The following HVCN1 variants were observed in gnomAD, a reference collection of about 807,000 sequenced individuals.
The protein encoded by HVCN1 is voltage-gated hydrogen channel 1.
A neutral mutation model predicts 29.2 loss-of-function variants in HVCN1; 14 were observed. That is an observed-to-expected ratio of 0.48 (90% confidence interval 0.32 to 0.75). The LOEUF is 0.75. HVCN1 is among the 30% of genes least tolerant of loss of function. HVCN1 has a pLI of 0.04. For missense variants in HVCN1, 263 were observed against 341.8 expected, an observed-to-expected ratio of 0.77 and a Z score of 1.82; for synonymous variants, 131 against 133.2, an observed-to-expected ratio of 0.98 and a Z score of 0.11.
chr12:110,651,121 T>A, intron 6 of HVCN1, 96 bp downstream of exon 6: 2 of 849,272 alleles, frequency 2.4e-6, no homozygotes, highest in Admixed American at 4.4e-5. Flanking sequence ...GGAGCCACTG[T>A]GAGCTCAGGC....
chr12:110,651,410 A>G lies in HVCN1; in HGVS notation c.450T>C (p.Phe150=), dbSNP rs745440611. 4 of 1,613,602 alleles carry G rather than the reference A, an allele frequency of 2.5e-6. No individual in the cohort carries two copies. The highest frequency in any genetic ancestry group is 2.7e-5 in the African/African-American group (2 of 74,912). The part of the protein sequence containing the change: ...HYMSITILVF[F]MMEIIFKLFV... ...ATAATTTAAAGATGATCTCCATCAT[A>G]AAAAAGACCAAGATGGTGATGCTCA... Residue 150 remains phenylalanine, a synonymous_variant, in exon 6 of 8, where the codon TTT becomes TTC. Coordinates refer to ENST00000242607, the MANE Select transcript of HVCN1 (RefSeq NM_032369.4).
chr12:110,664,720 A>G (rs934040489), intron 3 of HVCN1, among the ~76,000 whole-genome samples: 4 of 152,194 alleles, frequency 2.6e-5, no homozygotes, highest in Non-Finnish European at 4.4e-5. Context: ...CCCCTTGTGA[A>G]TCTGCTTGGC....
Position 110,648,959 on chromosome 12 carries a change from C to T in HVCN1, c.*451G>A, listed in dbSNP as rs550545659. ...GGTACCCCTTTTGGGGAAACTGAGA[C>T]GAAGCTATTTAGAACAGCTTGAAAA... On this transcript the variant is annotated 3_prime_UTR_variant, in exon 8 of 8. Transcript: ENST00000242607. 141 of 430,060 alleles carry T rather than the reference C, an allele frequency of 3.3e-4. No homozygotes were observed. Among genetic ancestry groups the T allele is most frequent in the Admixed American group, 5.5e-4 (18 of 32,722 alleles). The allele number at this position is 430,060 out of a possible 1,614,324, so 26.6% of individuals were successfully genotyped here.
At chr12:110,652,874 G>T (rs139582861) in intron 5 of HVCN1, among the ~76,000 whole-genome samples, 1 of 152,168 alleles carries the variant, frequency 6.6e-6, no homozygotes, top group Non-Finnish European at 1.5e-5. Context: ...CCACTGCAAC[G>T]GGAAAAATGC....
intron 4 of HVCN1, among the ~76,000 whole-genome samples, chr12:110,659,868 G>A (rs1463825869): frequency 1.3e-5 from 2 of 152,096 alleles, no homozygotes; most frequent in African/African-American, 2.4e-5. Flanking sequence ...AGGAGTTTGA[G>A]ACCAGCCTGG....
intron 2 of HVCN1, among the ~76,000 whole-genome samples, chr12:110,695,371 T>TGC (rs149207314): frequency 6.8e-6 from 1 of 147,966 alleles, no homozygotes; most frequent in African/African-American, 2.5e-5. Flanking sequence ...TTATTTTGTG[T>TGC]ACACACACAC....
rs183992240 is a variant in HVCN1 at position 110,672,975 on chromosome 12, A to G, written c.21+10250T>C. On this transcript the variant is annotated intron_variant, in intron 3 of 7. Coordinates refer to ENST00000242607, the MANE Select transcript of HVCN1 (RefSeq NM_032369.4). ...GTGAAAACTAATACAGTAAATTGGT[A>G]CCAGTAGAGTGGGACATTGCTGAAA... Among the ~76,000 whole-genome samples the G allele has an allele frequency of 4.0e-4, 61 of 152,338 alleles. No individual in the cohort carries two copies. In the East Asian group the frequency reaches 0.011, roughly 27 times the overall value.
intron 3 of HVCN1, among the ~76,000 whole-genome samples, chr12:110,663,634 T>C (rs199898242): frequency 6.6e-6 from 1 of 150,420 alleles, no homozygotes; most frequent in African/African-American, 2.4e-5. Flanking sequence ...GAAAAAAAAT[T>C]TATCTACATG....
intron 3 of HVCN1, among the ~76,000 whole-genome samples, chr12:110,666,528 A>G (rs1426928619): frequency 6.6e-6 from 1 of 152,204 alleles, no homozygotes; most frequent in East Asian, 1.9e-4. Context: ...GAAAGGAAAA[A>G]TAAACAGAGC....
At chr12:110,667,716 G>A (rs890427501) in intron 3 of HVCN1, among the ~76,000 whole-genome samples, 2 of 152,186 alleles carry the variant, frequency 1.3e-5, no homozygotes, top group African/African-American at 4.8e-5. Context: ...ACAGGCATGA[G>A]CCCATGCCTG....
intron 2 of HVCN1, among the ~76,000 whole-genome samples, chr12:110,697,094 G>C (rs2069505479): frequency 6.6e-6 from 1 of 151,968 alleles, no homozygotes; most frequent in African/African-American, 2.4e-5. Context: ...CCTCCATCAA[G>C]CAGAGAAGCC....
upstream of HVCN1, among the ~76,000 whole-genome samples, chr12:110,691,717 G>A (rs965275002): frequency 6.6e-6 from 1 of 152,208 alleles, no homozygotes; most frequent in African/African-American, 2.4e-5. Context: ...GACCTCAACA[G>A]ACCCTGCTAA....
Position 110,661,495 on chromosome 12 carries a change from C to A in HVCN1, c.22-47G>T. 1 of 1,587,898 alleles carries A rather than the reference C, an allele frequency of 6.3e-7. No individual in the cohort carries two copies. The highest frequency in any genetic ancestry group is 1.1e-5 in the South Asian group (1 of 87,206). On this transcript the variant is annotated intron_variant, in intron 3 of 7. Coordinates refer to ENST00000242607, the MANE Select transcript of HVCN1 (RefSeq NM_032369.4). The surrounding 1 kb of genome is among the most constrained non-coding windows in gnomAD (Gnocchi z 6.2). ...CAAGAGCTTCAGGCAGTTGGCCACTCAGAGCCCACATGGCCCAGGCCGGGC... is the reference window on the plus strand; with the variant it reads ...CAAGAGCTTCAGGCAGTTGGCCACTAAGAGCCCACATGGCCCAGGCCGGGC...
chr12:110,663,587 CAAAAAAAAAAAAAAAA>C (rs1182792368), intron 3 of HVCN1, among the ~76,000 whole-genome samples: 1 of 25,808 alleles, frequency 3.9e-5, no homozygotes, highest in African/African-American at 1.2e-4. Context: ...GACGCTGTCT[CAAAAAAAAAAAAAAAA>C]AAAAAAAAAA....
At position 110,661,741 on chromosome 12, in the gene HVCN1, G is replaced by A. The variant is rs1484947200; in HGVS notation, c.22-293C>T. 6.6e-6 allele frequency among the ~76,000 whole-genome samples: 1 copy of A among 152,130 alleles called. No individual in the cohort carries two copies. The highest frequency in any genetic ancestry group is 1.5e-5 in the Non-Finnish European group (1 of 68,022). On this transcript the variant is annotated intron_variant, in intron 3 of 7. Transcript: ENST00000242607. This position sits in a 1 kb window ranked among gnomAD's most constrained non-coding sequence, Gnocchi z 6.2. The stretch of plus-strand genomic sequence containing the variant: ...AGCCCGGTCCCAAAACACCCGCCAC[G>A]GGCCCATGTGTGAATACCGGAAGGG...
At chr12:110,668,165 G>A (rs1031419887) in intron 3 of HVCN1, among the ~76,000 whole-genome samples, 2 of 152,022 alleles carry the variant, frequency 1.3e-5, no homozygotes, top group African/African-American at 4.8e-5. Context: ...CTGGCTCAGA[G>A]CAGCCCCCAG....
intron 2 of HVCN1, among the ~76,000 whole-genome samples, chr12:110,684,484 T>C (rs1269827141): frequency 1.3e-5 from 2 of 152,214 alleles, no homozygotes; most frequent in Admixed American, 6.5e-5. Context: ...CTGCTAGTGC[T>C]GTTGAGTATT....
rs1220866880 is a variant in HVCN1, at chr12:110,661,751, G to A, written c.22-303C>T. Among the ~76,000 whole-genome samples the A allele has an allele frequency of 6.6e-6, 1 of 152,210 alleles. No homozygotes were observed. The highest frequency in any genetic ancestry group is 1.5e-5 in the Non-Finnish European group (1 of 68,044). The stretch of plus-strand genomic sequence containing the variant: ...CAAAACACCCGCCACGGGCCCATGT[G>A]TGAATACCGGAAGGGCGGCCCCAAG... On this transcript the variant is annotated intron_variant, in intron 3 of 7. Coordinates refer to ENST00000242607, the MANE Select transcript of HVCN1 (RefSeq NM_032369.4). This position sits in a 1 kb window ranked among gnomAD's most constrained non-coding sequence, Gnocchi z 6.2.
chr12:110,703,207 CAAAAAAAAA>C (rs758737358), intron 1 of HVCN1, among the ~76,000 whole-genome samples: 1 of 98,784 alleles, frequency 1.0e-5, no homozygotes, highest in South Asian at 3.5e-4. Flanking sequence ...ATGTCTCTAC[CAAAAAAAAA>C]AAAAAAAAAA....
Sources: gnomAD v4.1 joint callset for allele counts (sites outside exome capture counted in the v4.1 genomes callset) on GRCh38, gnomAD v4.1.1 for gene constraint, Gnocchi (gnomAD v3.1) non-coding constraint, MANE v1.5 for transcripts, NCBI Gene and HGNC (gene_info 2026-07-23, HGNC 2026-07-21) for gene names.